AUTS2: variants seen among roughly 807,000 people sequenced by gnomAD.
AUTS2 encodes activator of transcription and developmental regulator AUTS2.
AUTS2 carries 17 observed loss-of-function variants against 112.4 expected under a neutral mutation model. The observed-to-expected ratio is 0.15, with a 90% confidence interval of 0.10 to 0.23. The LOEUF (loss-of-function observed/expected upper bound fraction) is 0.23. AUTS2 is among the 10% of genes least tolerant of loss of function. The pLI is 1.00. For missense variants in AUTS2, 1,510 were observed against 1,701.6 expected (o/e 0.89, Z 1.98); for synonymous variants, 751 against 702.7 (o/e 1.07, Z -1.09).
chr7:69,903,516 A>G (rs1795046016), intron 2 of AUTS2, among the ~76,000 whole-genome samples: 1 of 152,220 alleles, frequency 6.6e-6, no homozygotes, highest in Non-Finnish European at 1.5e-5. Context: ...CATTTAGTCC[A>G]TTAGTCTGTC....
At chr7:69,728,757 C>G (rs1786645233) in intron 1 of AUTS2, among the ~76,000 whole-genome samples, 1 of 151,164 alleles carries the variant, frequency 6.6e-6, no homozygotes, top group Non-Finnish European at 1.5e-5. Flanking sequence ...AGCTGAGTCC[C>G]TCTTTCTGAA....
At chr7:69,792,384 C>T (rs994373394) in intron 1 of AUTS2, among the ~76,000 whole-genome samples, 9 of 151,964 alleles carry the variant, frequency 5.9e-5, no homozygotes, top group East Asian at 1.9e-4. Context: ...GGACTACAGG[C>T]GCCCACCATC....
chr7:70,110,045 G>A (rs1337000589), intron 2 of AUTS2, among the ~76,000 whole-genome samples: 3 of 152,182 alleles, frequency 2.0e-5, no homozygotes, highest in Non-Finnish European at 2.9e-5. Context: ...ATCATAGAGA[G>A]TAGAGTTAAC....
intron 6 of AUTS2, among the ~76,000 whole-genome samples, chr7:70,757,046 C>T (rs1789254728): frequency 6.6e-6 from 1 of 152,252 alleles, no homozygotes; most frequent in South Asian, 2.1e-4. Context: ...CCACAAATTT[C>T]CATCTCTTCC....
chr7:70,197,550 G>T (rs928656659), intron 4 of AUTS2, among the ~76,000 whole-genome samples: 2 of 121,740 alleles, frequency 1.6e-5, no homozygotes, highest in African/African-American at 3.2e-5. Context: ...GGGTCAGGGA[G>T]TTCCCTTTCC....
At chr7:70,005,269 C>T (rs1799495633) in intron 2 of AUTS2, among the ~76,000 whole-genome samples, 1 of 151,944 alleles carries the variant, frequency 6.6e-6, no homozygotes, top group South Asian at 2.1e-4. Flanking sequence ...TCCGTAGGGC[C>T]TTGCTTATAA....
intron 1 of AUTS2, among the ~76,000 whole-genome samples, chr7:69,856,727 G>A (rs1456176946): frequency 6.6e-6 from 1 of 152,212 alleles, no homozygotes; most frequent in African/African-American, 2.4e-5. Flanking sequence ...GTGTGTGAGA[G>A]AGTTTTCTGA....
chr7:70,049,192 G>T (rs1046025085), intron 2 of AUTS2, among the ~76,000 whole-genome samples: 1 of 152,058 alleles, frequency 6.6e-6, no homozygotes, highest in Non-Finnish European at 1.5e-5. Context: ...TGACTTATAG[G>T]CTGTTTCAAA....
intron 2 of AUTS2, among the ~76,000 whole-genome samples, chr7:69,988,904 G>A (rs914370328): frequency 6.6e-6 from 1 of 152,126 alleles, no homozygotes; most frequent in Non-Finnish European, 1.5e-5. Context: ...AGCACTTTTT[G>A]TTGGGGGCAG....
intron 1 of AUTS2, among the ~76,000 whole-genome samples, chr7:69,840,698 A>G (rs553961083): frequency 6.6e-6 from 1 of 152,290 alleles, no homozygotes; most frequent in African/African-American, 2.4e-5. Context: ...AGACAGACAG[A>G]CACTCTGGGC....
intron 2 of AUTS2, among the ~76,000 whole-genome samples, chr7:69,961,035 G>GT: frequency 6.6e-6 from 1 of 152,240 alleles, no homozygotes; most frequent in Admixed American, 6.6e-5. Flanking sequence ...GTATGTATGT[G>GT]TATCATTCCT....
At chr7:69,844,408 G>A (rs1449207705) in intron 1 of AUTS2, among the ~76,000 whole-genome samples, 1 of 152,170 alleles carries the variant, frequency 6.6e-6, no homozygotes, top group East Asian at 1.9e-4. Context: ...GAAAGATGTG[G>A]TCTTCTAGCT....
chr7:70,607,836 G>A (rs1803866043), intron 5 of AUTS2, among the ~76,000 whole-genome samples: 2 of 152,234 alleles, frequency 1.3e-5, no homozygotes, highest in African/African-American at 4.8e-5. Flanking sequence ...AAGTAAAATT[G>A]TAGAAGGTCT....
intron 4 of AUTS2, among the ~76,000 whole-genome samples, chr7:70,303,209 GGCCATCCACAT>G (rs1789305001): frequency 6.6e-6 from 1 of 152,008 alleles, no homozygotes; most frequent in Non-Finnish European, 1.5e-5. Context: ...GGGGAGGAAC[GGCCATCCACAT>G]GCCACCCCCA....
chr7:70,486,821 G>A (rs1798021464), intron 5 of AUTS2, among the ~76,000 whole-genome samples: 1 of 151,808 alleles, frequency 6.6e-6, no homozygotes. Flanking sequence ...GGTAGTCTGT[G>A]GTGGTGGTGC....
intron 4 of AUTS2, among the ~76,000 whole-genome samples, chr7:70,209,204 C>T (rs1810730153): frequency 6.6e-6 from 1 of 152,040 alleles, no homozygotes; most frequent in African/African-American, 2.4e-5. Context: ...GTGGATTGGA[C>T]ATGGGATGTA....
chr7:70,594,698 A>C (rs1282207549), intron 5 of AUTS2, among the ~76,000 whole-genome samples: 1 of 152,180 alleles, frequency 6.6e-6, no homozygotes, highest in Non-Finnish European at 1.5e-5. Flanking sequence ...CGGAGGTTGC[A>C]AAGGCCAGAA....
intron 4 of AUTS2, among the ~76,000 whole-genome samples, chr7:70,245,085 AC>A (rs1488607361): frequency 4.9e-5 from 7 of 143,728 alleles, no homozygotes; most frequent in African/African-American, 1.8e-4. Flanking sequence ...GCACCACTGC[AC>A]TCCAGCCTGG....
intron 4 of AUTS2, among the ~76,000 whole-genome samples, chr7:70,361,250 G>A (rs1216085121): frequency 6.6e-6 from 1 of 151,970 alleles, no homozygotes; most frequent in African/African-American, 2.4e-5. Flanking sequence ...GGAGAATGGC[G>A]TGAACACGGG....
Sources: gnomAD v4.1 joint callset for allele counts (sites outside exome capture counted in the v4.1 genomes callset) on GRCh38, gnomAD v4.1.1 for gene constraint, MANE v1.5 for transcripts, NCBI Gene and HGNC (gene_info 2026-07-23, HGNC 2026-07-21) for gene names.